Variants in GRAP2 observed in about 807,000 individuals in gnomAD.
GRAP2 encodes GRB2-related adapter protein 2.
GRAP2 carries 31 observed loss-of-function variants against 43.5 expected under a neutral mutation model. The ratio of observed to expected loss-of-function variants is 0.71; its 90% CI spans 0.54 to 0.96. The LOEUF (loss-of-function observed/expected upper bound fraction) is 0.96, where lower values mean the gene tolerates loss of function less well. Among genes scored for constraint, GRAP2 ranks in the 40% least tolerant of loss-of-function variants. The pLI is 0.00. For missense variants in GRAP2, 371 were observed against 424.4 expected (o/e 0.87, Z 1.11); for synonymous variants, 156 against 164.8 (o/e 0.95, Z 0.41).
intron 3 of GRAP2, among the ~76,000 whole-genome samples, chr22:39,959,058 A>G (rs575120060): frequency 6.6e-6 from 1 of 152,254 alleles, no homozygotes; most frequent in Non-Finnish European, 1.5e-5. Context: ...TCTTAAAGGA[A>G]CATGCGTATG....
At chr22:39,955,436 A>G (rs2067038258) in intron 2 of GRAP2, among the ~76,000 whole-genome samples, 1 of 151,852 alleles carries the variant, frequency 6.6e-6, no homozygotes, top group Non-Finnish European at 1.5e-5. Context: ...TACACCGTGG[A>G]GTAACCATTC....
intron 7 of GRAP2, 68 bp from the exon 8 acceptor site, chr22:39,970,837 C>T: frequency 7.3e-7 from 1 of 1,362,004 alleles, no homozygotes; most frequent in Non-Finnish European, 1.0e-6. Context: ...GTGGGAGGAG[C>T]CAGCAGACCC....
chr22:39,924,227 T>C (rs958341394), intron 1 of GRAP2, among the ~76,000 whole-genome samples: 3 of 152,190 alleles, frequency 2.0e-5, no homozygotes, highest in Admixed American at 6.5e-5. Flanking sequence ...AAAATACTGT[T>C]TATAAATCGC....
chr22:39,894,797 G>A, the GRAP2 span, among the ~76,000 whole-genome samples: 1 of 152,210 alleles, frequency 6.6e-6, no homozygotes, highest in Non-Finnish European at 1.5e-5. Context: ...GCTAGTGGAG[G>A]TGACAGGCAC....
At chr22:39,969,227 G>A in intron 6 of GRAP2, 184 bp from the exon 7 acceptor site, 4 of 585,224 alleles carry the variant, frequency 6.8e-6, no homozygotes, top group Non-Finnish European at 1.2e-5. Context: ...TGCCTTCTTT[G>A]CCTTCAGAAT....
chr22:39,955,792 C>CT, intron 2 of GRAP2, 27 bp from the exon 3 acceptor site: 1 of 1,213,860 alleles, frequency 8.2e-7, no homozygotes, highest in South Asian at 1.2e-5. Flanking sequence ...CCTCCAATGT[C>CT]TTTGTCTTTC....
chr22:39,908,254 A>G (rs971694986), intron 1 of GRAP2, among the ~76,000 whole-genome samples: 2 of 152,224 alleles, frequency 1.3e-5, no homozygotes, highest in Non-Finnish European at 2.9e-5. Context: ...CTGGCATCCA[A>G]TTCTTAACGG....
intron 4 of GRAP2, among the ~76,000 whole-genome samples, chr22:39,961,495 GACCGAAA>G (rs1569214605): frequency 6.6e-6 from 1 of 152,222 alleles, no homozygotes; most frequent in Non-Finnish European, 1.5e-5. Flanking sequence ...AGTACAGCAA[GACCGAAA>G]ACCACAGAAC....
intron 2 of GRAP2, chr22:39,948,013 C>G (rs965667904): frequency 1.3e-5 from 2 of 152,280 alleles, no homozygotes; most frequent in African/African-American, 2.4e-5. Flanking sequence ...CCTCAGATAG[C>G]CTGATCCCTG....
intron 2 of GRAP2, among the ~76,000 whole-genome samples, chr22:39,951,747 G>C (rs559417918): frequency 6.6e-6 from 1 of 152,040 alleles, no homozygotes; most frequent in African/African-American, 2.4e-5. Context: ...GGCCCACAAC[G>C]GCAGGAGGAA....
intron 1 of GRAP2, among the ~76,000 whole-genome samples, chr22:39,937,259 C>T (rs975652133): frequency 3.3e-5 from 5 of 152,164 alleles, no homozygotes; most frequent in African/African-American, 1.2e-4. Flanking sequence ...TGGTGTGTGT[C>T]CCCTCAAAGG....
At chr22:39,915,472 C>T (rs550607121) in intron 1 of GRAP2, among the ~76,000 whole-genome samples, 2 of 152,312 alleles carry the variant, frequency 1.3e-5, no homozygotes, top group South Asian at 4.1e-4. Flanking sequence ...TCCAAAGCCA[C>T]AATCGTGTCA....
chr22:39,924,615 T>G (rs1361747741), intron 1 of GRAP2, among the ~76,000 whole-genome samples: 1 of 152,008 alleles, frequency 6.6e-6, no homozygotes, highest in Non-Finnish European at 1.5e-5. Context: ...GGCAGGATAA[T>G]CACTTCAACC....
intron 1 of GRAP2, among the ~76,000 whole-genome samples, chr22:39,908,990 G>A (rs1601687405): frequency 6.6e-6 from 1 of 152,072 alleles, no homozygotes; most frequent in East Asian, 1.9e-4. Flanking sequence ...GTGCCTCATC[G>A]ACTCCTCTGT....
Position 39,966,059 on chromosome 22 carries a change from G to C in GRAP2, c.360G>C (p.Glu120Asp). 6.2e-7 allele frequency: 1 copy of C among 1,613,726 alleles called. No homozygotes were observed. Residue 120 changes from glutamate (E) to aspartate (D), a missense_variant, in exon 5 of 8, where the codon GAG becomes GAC. Coordinates refer to ENST00000344138, the MANE Select transcript of GRAP2 (RefSeq NM_004810.4). The stretch of plus-strand genomic sequence containing the variant: ...AGGGTAATTACTTTCTGTGGACTGA[G>C]AAGTTTCCATCCCTAAATAAGCTGG... ...DNKGNYFLWTEKFPSLNKLVD... is the reference protein window; with the variant it reads ...DNKGNYFLWTDKFPSLNKLVD...
intron 1 of GRAP2, among the ~76,000 whole-genome samples, chr22:39,922,391 A>C (rs2066660577): frequency 6.6e-6 from 1 of 152,136 alleles, no homozygotes. Flanking sequence ...AAGAAGAAAC[A>C]CTCAGGGATG....
At chr22:39,899,981 C>T (rs1386483552), upstream of GRAP2, among the ~76,000 whole-genome samples, 6 of 150,776 alleles carry the variant, frequency 4.0e-5, no homozygotes, top group African/African-American at 1.2e-4. Context: ...AGTGAAACTC[C>T]GTCTCAAAAA....
chr22:39,913,581 A>G (rs1357203610), intron 1 of GRAP2, among the ~76,000 whole-genome samples: 1 of 152,188 alleles, frequency 6.6e-6, no homozygotes, highest in East Asian at 1.9e-4. Flanking sequence ...TGCTGAGTCT[A>G]CAGCATGGTT....
chr22:39,968,396 G>A, intron 6 of GRAP2, 124 bp downstream of exon 6: 1 of 1,042,476 alleles, frequency 9.6e-7, no homozygotes, highest in Non-Finnish European at 1.4e-6. Context: ...CCCCCCAAAT[G>A]GCAGAAATAG....
Sources: allele counts gnomAD v4.1 joint callset (sites outside exome capture counted in the v4.1 genomes callset), GRCh38; gene constraint gnomAD v4.1.1; transcripts MANE v1.5; gene names NCBI Gene and HGNC (gene_info 2026-07-23, HGNC 2026-07-21).